Variants in NFATC2 observed in about 807,000 individuals in gnomAD.
NFATC2 encodes the protein nuclear factor of activated T cells 2, also known as nuclear factor of activated T-cells, cytoplasmic 2.
A neutral mutation model predicts 87.3 loss-of-function variants in NFATC2; 22 were observed. The ratio of observed to expected loss-of-function variants is 0.25; its 90% confidence interval spans 0.18 to 0.36. NFATC2 has a LOEUF of 0.36. Among genes scored for constraint, NFATC2 ranks in the 10% least tolerant of loss-of-function variants. NFATC2 has a pLI of 1.00. For missense variants in NFATC2, 1,149 were observed against 1,259.1 expected (o/e 0.91, Z 1.32); for synonymous variants, 565 against 542.2 (o/e 1.04, Z -0.58).
intron 9 of NFATC2, among the ~76,000 whole-genome samples, chr20:51,419,978 C>A (rs1980633826): frequency 6.7e-6 from 1 of 149,896 alleles, no homozygotes; most frequent in Admixed American, 6.7e-5. Flanking sequence ...CTTAAAACAC[C>A]AATTATGCTT....
chr20:51,544,741 C>T (rs979955663), upstream of NFATC2, among the ~76,000 whole-genome samples: 2 of 152,158 alleles, frequency 1.3e-5, no homozygotes, highest in Non-Finnish European at 2.9e-5. Flanking sequence ...CACCAGACAT[C>T]GATTTGATCA....
chr20:51,405,356 A>G (rs1399208687), intron 9 of NFATC2, among the ~76,000 whole-genome samples: 1 of 152,204 alleles, frequency 6.6e-6, no homozygotes, highest in Non-Finnish European at 1.5e-5. Context: ...ACCACTCAGG[A>G]AGATGTGAGG....
intron 5 of NFATC2, among the ~76,000 whole-genome samples, chr20:51,459,840 C>G (rs558276649): frequency 1.3e-5 from 2 of 152,192 alleles, no homozygotes; most frequent in African/African-American, 4.8e-5. Context: ...GATCACGCTA[C>G]TACACTCCAG....
rs1347093676 is a variant in NFATC2 at position 51,524,819 on chromosome 20, C to G, written c.131-709G>C. On this transcript the variant is annotated intron_variant, in intron 1 of 10. Transcript: ENST00000371564. The surrounding 1 kb of genome is among the most constrained non-coding windows in gnomAD (Gnocchi z 4.0). ...GGCCCAGAGCGGGGAAAAGGCCCAC[C>G]GAAAGATACGGAATTAGCAGGCTTA... Among the ~76,000 whole-genome samples the G allele has an allele frequency of 6.6e-6, 1 of 152,112 alleles. No individual in the cohort carries two copies. The highest frequency in any genetic ancestry group is 1.5e-5 in the Non-Finnish European group (1 of 68,024).
In NFATC2 at chr20:51,551,834, T is replaced by A. The variant is rs532363388; in HGVS notation, c.70+10726A>T. On this transcript the variant is annotated intron_variant, in intron 1 of 10. Coordinates refer to the NFATC2 transcript ENST00000414705. ...TGAGGTCAGGAGATCAAGACCATCC[T>A]GGCTAACATGGTGAAACCCAATCTC... is the stretch of plus-strand genomic sequence containing the variant. Among the ~76,000 whole-genome samples, 3 of 151,592 alleles carry A rather than the reference T, an allele frequency of 2.0e-5. No homozygotes were observed. In the East Asian group the frequency reaches 5.9e-4, roughly 30 times the overall value.
chr20:51,559,788 G>C (rs2077006433), intron 1 of NFATC2, among the ~76,000 whole-genome samples: 1 of 152,098 alleles, frequency 6.6e-6, no homozygotes, highest in African/African-American at 2.4e-5. Context: ...GGCAAAGCCG[G>C]GTCTCACTAT....
At position 51,435,694 on chromosome 20, in the gene NFATC2, T is replaced by C; in HGVS notation, c.1905+12A>G. On this transcript the variant is annotated intron_variant, in intron 7 of 10. Coordinates refer to ENST00000371564, the MANE Select transcript of NFATC2 (RefSeq NM_012340.5). ...GGGGATTGAGAGACACTCAGGTGCG[T>C]CACGTGCTTACGGGCTGGCTCTTGT... is the stretch of plus-strand genomic sequence containing the variant. 1 of 1,607,776 alleles carries C rather than the reference T, an allele frequency of 6.2e-7. No homozygotes were observed. The highest frequency in any genetic ancestry group is 8.5e-7 in the Non-Finnish European group (1 of 1,176,854).
At position 51,390,814 on chromosome 20, in the gene NFATC2, T is replaced by G. The variant is rs976423104; in HGVS notation, c.*682A>C. 1.8e-5 allele frequency: 3 copies of G among 168,466 alleles called. No homozygotes were observed. The highest frequency in any genetic ancestry group is 7.2e-5 in the African/African-American group (3 of 41,890). 10.4% of individuals were successfully genotyped at this position (168,466 alleles called of 1,614,324 possible). On this transcript the variant is annotated 3_prime_UTR_variant, in exon 11 of 11. Transcript: ENST00000371564. ...GAATGAGAATTCAAAAATAAAGCTT[T>G]AGCTGTGGCCCAGTTGTGGCATGGA...
At chr20:51,559,369 G>A (rs1257972311) in intron 1 of NFATC2, among the ~76,000 whole-genome samples, 1 of 152,182 alleles carries the variant, frequency 6.6e-6, no homozygotes, top group Non-Finnish European at 1.5e-5. Context: ...CATATGTCAG[G>A]GAACAACGTG....
In NFATC2 at chr20:51,391,479, A is replaced by G. The variant is rs111603709; in HGVS notation, c.*45-28T>C. 5,670 of 1,304,030 alleles carry G rather than the reference A, an allele frequency of 4.3e-3. 188 individuals are homozygous for G. In the African/African-American group the frequency reaches 0.091, roughly 21 times the overall value. 80.8% of individuals were successfully genotyped at this position (1,304,030 alleles called of 1,614,324 possible). ...ACAAAAGAAAAGAGGAGGGGGGGGG[A>G]GAGAGAATGGGGCAAGTGAGAGGGC... is the stretch of plus-strand genomic sequence containing the variant. On this transcript the variant is annotated intron_variant, in intron 10 of 10. Coordinates refer to ENST00000371564, the MANE Select transcript of NFATC2 (RefSeq NM_012340.5).
rs192821617 is a variant in NFATC2 at position 51,516,970 on chromosome 20, A to G, written c.1161-15T>C. ...TCACTGGGATGCTAAAGGAGAAAAT[A>G]AAATCAGCCATGTGTGCAATAAACC... On this transcript the variant is annotated splice_polypyrimidine_tract_variant and intron_variant, in intron 2 of 10. Coordinates refer to ENST00000371564, the MANE Select transcript of NFATC2 (RefSeq NM_012340.5). 353 of 1,595,622 alleles carry G rather than the reference A, an allele frequency of 2.2e-4. No individual in the cohort carries two copies. The African/African-American group carries it at 3.7e-3, about 17-fold the overall frequency.
At chr20:51,489,333 C>T (rs1318458448) in intron 3 of NFATC2, among the ~76,000 whole-genome samples, 2 of 152,174 alleles carry the variant, frequency 1.3e-5, no homozygotes, top group African/African-American at 4.8e-5. Context: ...GCAGCCCCAG[C>T]AATCATTTTG....
chr20:51,465,905 C>T (rs931609108), intron 5 of NFATC2, among the ~76,000 whole-genome samples: 3 of 152,018 alleles, frequency 2.0e-5, no homozygotes, highest in East Asian at 1.9e-4. Flanking sequence ...TATCACATGC[C>T]AAATGTATTT....
chr20:51,532,837 G>T (rs1057088470), intron 1 of NFATC2, among the ~76,000 whole-genome samples: 6 of 152,238 alleles, frequency 3.9e-5, no homozygotes, highest in South Asian at 2.1e-4. Context: ...GCCGTCCTTG[G>T]GGGGCACAGG....
At chr20:51,544,169 A>C (rs2146815951), upstream of NFATC2, among the ~76,000 whole-genome samples, 1 of 151,402 alleles carries the variant, frequency 6.6e-6, no homozygotes, top group Non-Finnish European at 1.5e-5. Flanking sequence ...TTGTATTTTT[A>C]GTAGAGATGG....
chr20:51,433,958 G>A (rs1439717235), intron 8 of NFATC2, among the ~76,000 whole-genome samples: 5 of 152,158 alleles, frequency 3.3e-5, no homozygotes, highest in Admixed American at 1.3e-4. Flanking sequence ...AACCAGACAA[G>A]AGCCAAGGCC....
intron 3 of NFATC2, among the ~76,000 whole-genome samples, chr20:51,512,998 T>C (rs951395104): frequency 6.6e-6 from 1 of 152,080 alleles, no homozygotes; most frequent in Non-Finnish European, 1.5e-5. Flanking sequence ...TAAAGTCCAC[T>C]CTTTTCTCAA....
chr20:51,411,892 G>A (rs528654172), intron 9 of NFATC2, among the ~76,000 whole-genome samples: 4 of 152,220 alleles, frequency 2.6e-5, no homozygotes, highest in African/African-American at 9.6e-5. Flanking sequence ...GATGTGTTGA[G>A]TAGAACTGAC....
rs549017138 is a variant in NFATC2 at position 51,553,472 on chromosome 20, G to A, written c.70+9088C>T. On this transcript the variant is annotated intron_variant, in intron 1 of 10. Coordinates refer to the NFATC2 transcript ENST00000414705. ...GGGCGGATCACGAGGTCAGGAGATC[G>A]AGACCATCCTGGCTAACACGGTGAA... Among the ~76,000 whole-genome samples, 579 of 151,626 alleles carry A rather than the reference G, an allele frequency of 3.8e-3. 2 individuals are homozygous for A. Among genetic ancestry groups the A allele is most frequent in the Admixed American group, 8.7e-3 (133 of 15,258 alleles).
Sources: gnomAD v4.1 joint callset for allele counts (sites outside exome capture counted in the v4.1 genomes callset) on GRCh38, gnomAD v4.1.1 for gene constraint, Gnocchi (gnomAD v3.1) non-coding constraint, MANE v1.5 for transcripts, NCBI Gene and HGNC (gene_info 2026-07-23, HGNC 2026-07-21) for gene names.